EPHX3: variants seen among roughly 807,000 people sequenced by gnomAD.
EPHX3 encodes abhydrolase domain containing 9.
A neutral mutation model predicts 40.2 loss-of-function variants in EPHX3; 39 were observed. The observed-to-expected ratio is 0.97, with a 90% CI of 0.75 to 1.27. The LOEUF (loss-of-function observed/expected upper bound fraction) is 1.27, where lower values mean the gene tolerates loss of function less well. Among genes scored for constraint, EPHX3 ranks in the 50% most tolerant of loss-of-function variants. EPHX3 has a pLI of 0.00. For missense variants in EPHX3, 442 were observed against 474.0 expected (o/e 0.93, Z 0.63); for synonymous variants, 213 against 209.7 (o/e 1.02, Z -0.14).
upstream of EPHX3, among the ~76,000 whole-genome samples, chr19:15,234,418 A>G (rs2047176887): frequency 6.6e-6 from 1 of 152,066 alleles, no homozygotes; most frequent in African/African-American, 2.4e-5. Flanking sequence ...TCCTGGGCTC[A>G]AGCACTACAA....
Position 15,231,841 on chromosome 19 carries a change from G to A in EPHX3, c.264C>T (p.His88=), listed in dbSNP as rs757317417. The A allele has an allele frequency of 3.1e-6, 5 of 1,613,862 alleles. No individual in the cohort carries two copies. Among genetic ancestry groups the A allele is most frequent in the Middle Eastern group, 1.6e-4 (1 of 6,084 alleles). ...LNLKSSGLRL[H]YVSAGRGNGP... is the part of the protein sequence containing the mutation. ...CGTTACCTCGTCCAGCCGAGACATA[G>A]TGCAGACGCAGGCCCGAGCTCTAGG... Residue 88 remains histidine, a synonymous_variant, in exon 2 of 7, where the codon CAC becomes CAT. Coordinates refer to ENST00000221730, the MANE Select transcript of EPHX3 (RefSeq NM_024794.3).
In EPHX3 at chr19:15,231,966, C is replaced by A; in HGVS notation, c.243+3G>T. 1 of 1,612,174 alleles carries A rather than the reference C, an allele frequency of 6.2e-7. No homozygotes were observed. Among genetic ancestry groups the A allele is most frequent in the South Asian group, 1.1e-5 (1 of 91,038 alleles). ...AGCCCCGATAGCGCCCCCGTGCGAT[C>A]ACCTTGAGGTTCAGGAAACCGTGCT... On this transcript the variant is annotated splice_donor_region_variant and intron_variant, in intron 1 of 6. Transcript: ENST00000221730.
chr19:15,231,646 C>G, intron 2 of EPHX3, 130 bp downstream of exon 2: 1 of 1,061,340 alleles, frequency 9.4e-7, no homozygotes, highest in East Asian at 2.4e-5. Context: ...GGTATGCTGG[C>G]TCAGTACCCC....
At chr19:15,229,424 A>AC (rs996379704) in intron 4 of EPHX3, among the ~76,000 whole-genome samples, 1 of 151,360 alleles carries the variant, frequency 6.6e-6, no homozygotes, top group African/African-American at 2.4e-5. Flanking sequence ...ACATGCTGAA[A>AC]CCCCATTTCT....
At chr19:15,233,766 G>A (rs144156382), upstream of EPHX3, among the ~76,000 whole-genome samples, 1,459 of 152,316 alleles carry the variant, frequency 9.6e-3, 12 homozygotes, top group Admixed American at 0.017. Flanking sequence ...TGCTGTCCCT[G>A]CAAGAAGCCA....
chr19:15,234,502 G>C (rs1206242214), upstream of EPHX3, among the ~76,000 whole-genome samples: 3 of 152,040 alleles, frequency 2.0e-5, no homozygotes, highest in Non-Finnish European at 4.4e-5. Context: ...GAGACGACTT[G>C]CTATATTGTC....
At position 15,228,106 on chromosome 19, in the gene EPHX3, G is replaced by T; in HGVS notation, c.617-6C>A. ...GATGTGGTGCAGGGAATAGTCTGGG[G>T]TGGGAGGGTTGGGGGAGAGATATAA... On this transcript the variant is annotated splice_polypyrimidine_tract_variant and splice_region_variant and intron_variant, in intron 4 of 6. Coordinates refer to ENST00000221730, the MANE Select transcript of EPHX3 (RefSeq NM_024794.3). 2.6e-6 allele frequency: 4 copies of T among 1,522,340 alleles called. No homozygotes were observed. The highest frequency in any genetic ancestry group is 3.6e-6 in the Non-Finnish European group (4 of 1,101,616). 94.3% of individuals were successfully genotyped at this position (1,522,340 alleles called of 1,614,324 possible).
rs1423197085 is a variant in EPHX3 at position 15,232,045 on chromosome 19, C to A, written c.167G>T (p.Cys56Phe). 6.3e-7 allele frequency: 1 copy of A among 1,583,060 alleles called. No individual in the cohort carries two copies. Among genetic ancestry groups the A allele is most frequent in the Non-Finnish European group, 8.5e-7 (1 of 1,171,164 alleles). Residue 56 changes from cysteine (C) to phenylalanine (F), a missense_variant, in exon 1 of 7, where the codon TGC (cysteine) becomes TTC (phenylalanine). Cys to Phe is a radical substitution (Grantham distance 205). Transcript: ENST00000221730. ...GGGGGACGCGCTCCGACGGCGCCCGCAGCAGCCGCGCCGGGGCCGGCACAG... is the reference window on the plus strand; with the variant it reads ...GGGGGACGCGCTCCGACGGCGCCCGAAGCAGCCGCGCCGGGGCCGGCACAG... ...HVLCRPRRGC[C>F]GRRRSASPAC...
chr19:15,227,549 G>T lies in EPHX3; in HGVS notation c.971C>A (p.Pro324Gln). The T allele has an allele frequency of 1.9e-6, 3 of 1,614,022 alleles. No homozygotes were observed. Among genetic ancestry groups the T allele is most frequent in the Non-Finnish European group, 2.5e-6 (3 of 1,180,030 alleles). ...LVEAIGSRFV[P>Q]GRLEAHILPG... ...CAGGATGTGGGCCTCCAAGCGGCCC[G>T]GCACAAAGCGGCTGCCGATGGCTTC... Residue 324 changes from proline to glutamine, a missense_variant, in exon 7 of 7, where the codon CCG becomes CAG. By Grantham distance (76) the Pro-to-Gln change is moderately conservative. Transcript: ENST00000221730.
At chr19:15,228,503 ATTTTTTTTTTTTTTTTTTTTTTT>A (rs780716729) in intron 4 of EPHX3, among the ~76,000 whole-genome samples, 1 of 62,700 alleles carries the variant, frequency 1.6e-5, no homozygotes, top group Non-Finnish European at 2.7e-5. Flanking sequence ...TGTATCTATA[ATTTTTTTTTTTTTTTTTTTTTTT>A]TTTTTTTTTT....
At chr19:15,231,742 C>A in intron 2 of EPHX3, 34 bp downstream of exon 2, 1 of 1,609,826 alleles carries the variant, frequency 6.2e-7, no homozygotes, top group Non-Finnish European at 8.5e-7. Flanking sequence ...GCCCCCGAGT[C>A]CCGTGGGCCT....
Position 15,231,057 on chromosome 19 carries a change from C to T in EPHX3, c.521G>A (p.Trp174Ter), listed in dbSNP as rs754598066. The T allele has an allele frequency of 1.2e-6, 2 of 1,614,060 alleles. No homozygotes were observed. Among genetic ancestry groups the T allele is most frequent in the South Asian group, 2.2e-5 (2 of 91,082 alleles). Residue 174 changes from tryptophan to a stop codon, truncating the protein, a stop_gained, in exon 4 of 7, where the codon TGG becomes TAG. Coordinates refer to ENST00000221730, the MANE Select transcript of EPHX3 (RefSeq NM_024794.3). LOFTEE classifies it high-confidence loss of function. ...YSKCILVAHD[W>*]GALLAWHFSI... ...GAAATGCCAGGCAAGGAGGGCACCC[C>T]AGTCATGGGCCACAAGGATGCACTT... is the stretch of plus-strand genomic sequence containing the variant.
At position 15,231,160 on chromosome 19, in the gene EPHX3, G is replaced by C. The variant is rs1599421153; in HGVS notation, c.488-70C>G. ...ACTGAAGCAGGGATGGGGGAAGTAG[G>C]TTCCAGCAAGGAGAAAGCGGGGGTA... On this transcript the variant is annotated intron_variant, in intron 3 of 6. Coordinates refer to ENST00000221730, the MANE Select transcript of EPHX3 (RefSeq NM_024794.3). The C allele has an allele frequency of 4.3e-6, 7 of 1,612,240 alleles. No homozygotes were observed. In the East Asian group the frequency reaches 1.3e-4, roughly 31 times the overall value.
chr19:15,227,143 G>A lies in EPHX3; in HGVS notation c.*294C>T. ...AGAGTGAGGCCCCAGGAAGGGAGGA[G>A]GTGGGACACTCGGTCTCGGCATCTG... On this transcript the variant is annotated 3_prime_UTR_variant, in exon 7 of 7. Coordinates refer to ENST00000221730, the MANE Select transcript of EPHX3 (RefSeq NM_024794.3). The A allele has an allele frequency of 2.3e-6, 1 of 428,142 alleles. No individual in the cohort carries two copies. 26.5% of individuals were successfully genotyped at this position (428,142 alleles called of 1,614,324 possible). A position where few individuals can be genotyped will look rare whatever the true frequency, so the allele number is the denominator to read the frequency against.
Position 15,227,997 on chromosome 19 carries a change from C to T in EPHX3, c.720G>A (p.Gln240=), listed in dbSNP as rs1251126465. Residue 240 remains glutamine, a splice_region_variant and synonymous_variant, in exon 5 of 7, where the codon CAG becomes CAA. Transcript: ENST00000221730. ...PEKLLSMSDF[Q]ILKTTLTHRK... Reference sequence around the variant, plus strand: ...TCCCTTCAACCTGCACCCTCTGTACCTGAAAGTCAGACATAGACAGCAGCT... The same window carrying T: ...TCCCTTCAACCTGCACCCTCTGTACTTGAAAGTCAGACATAGACAGCAGCT... The T allele has an allele frequency of 1.2e-6, 2 of 1,613,394 alleles. No individual in the cohort carries two copies. The highest frequency in any genetic ancestry group is 1.7e-6 in the Non-Finnish European group (2 of 1,179,744).
In EPHX3 at chr19:15,227,316, T is replaced by C. The variant is rs1054491350; in HGVS notation, c.*121A>G. 6 of 819,244 alleles carry C rather than the reference T, an allele frequency of 7.3e-6. No individual in the cohort carries two copies. The African/African-American group carries it at 1.0e-4, about 14-fold the overall frequency. 50.7% of individuals were successfully genotyped at this position (819,244 alleles called of 1,614,324 possible). On this transcript the variant is annotated 3_prime_UTR_variant, in exon 7 of 7. Transcript: ENST00000221730. ...GTGTGGGATCCAGGAGTCCCATGCCTATGAGCGATTCAAGAGTTCACCCAT... is the reference window on the plus strand; with the variant it reads ...GTGTGGGATCCAGGAGTCCCATGCCCATGAGCGATTCAAGAGTTCACCCAT...
intron 4 of EPHX3, among the ~76,000 whole-genome samples, chr19:15,229,589 C>G (rs1170933103): frequency 7.2e-6 from 1 of 139,526 alleles, no homozygotes; most frequent in Admixed American, 7.2e-5. Flanking sequence ...GAGACTCCAT[C>G]TCAAGAAAAA....
At chr19:15,236,441 AAAG>A (rs2047192482), upstream of EPHX3, 1 of 150,088 alleles carries the variant, frequency 6.7e-6, no homozygotes, top group Admixed American at 6.6e-5. Context: ...AGCTTAAATG[AAAG>A]GAGGAGTTAG....
At chr19:15,236,825 G>C (rs114606094), upstream of EPHX3, 530 of 181,834 alleles carry the variant, frequency 2.9e-3, 3 homozygotes, top group African/African-American at 0.012. Context: ...GAAATGTCAG[G>C]GAGACGCCAG....
Sources: gnomAD v4.1 joint callset for allele counts (sites outside exome capture counted in the v4.1 genomes callset) on GRCh38, gnomAD v4.1.1 for gene constraint, MANE v1.5 for transcripts, NCBI Gene and HGNC (gene_info 2026-07-23, HGNC 2026-07-21) for gene names.